EEPD1: variants seen among roughly 807,000 people sequenced by gnomAD.
EEPD1 encodes endonuclease/exonuclease/phosphatase family domain containing 1, also known as endonuclease/exonuclease/phosphatase family domain-containing protein 1.
In EEPD1, 17 loss-of-function variants were observed where a neutral mutation model predicts 46.3. The observed-to-expected ratio is 0.37, with a 90% CI of 0.25 to 0.55. The LOEUF (loss-of-function observed/expected upper bound fraction) is 0.55. EEPD1 is among the 20% of genes least tolerant of loss of function. The pLI is 0.83. For synonymous variants in EEPD1, 313 were observed against 315.6 expected (o/e 0.99, Z 0.09); for missense variants, 673 against 745.6 (o/e 0.90, Z 1.13).
chr7:36,170,896 C>T (rs1196795108), intron 2 of EEPD1, among the ~76,000 whole-genome samples: 1 of 152,002 alleles, frequency 6.6e-6, no homozygotes, highest in East Asian at 1.9e-4. Context: ...AGTTTTAGTT[C>T]ATTTTACTTT....
At position 36,301,506 on chromosome 7, in the gene EEPD1, G is replaced by A. The variant is rs1230980346; in HGVS notation, c.*2300G>A. The A allele has an allele frequency of 1.3e-5, 2 of 152,196 alleles. No individual in the cohort carries two copies. The highest frequency in any genetic ancestry group is 4.8e-5 in the African/African-American group (2 of 41,432). The allele number at this position is 152,196 out of a possible 1,614,324, so 9.4% of individuals were successfully genotyped here. ...TTCATTATTAGCTACAGTGTTCATA[G>A]TTTATATTAAAGTTCACTCTTTGTG... On this transcript the variant is annotated 3_prime_UTR_variant, in exon 8 of 8. Coordinates refer to ENST00000242108, the MANE Select transcript of EEPD1 (RefSeq NM_030636.3).
chr7:36,204,217 G>A (rs923701868), intron 2 of EEPD1, among the ~76,000 whole-genome samples: 1 of 151,450 alleles, frequency 6.6e-6, no homozygotes, highest in Non-Finnish European at 1.5e-5. Flanking sequence ...AAAAAATTTT[G>A]TGGAGAGAGG....
At position 36,154,403 on chromosome 7, in the gene EEPD1, G is replaced by T. The variant is rs1784779687; in HGVS notation, c.79G>T (p.Ala27Ser). Reference sequence around the variant, plus strand: ...GTCCCATAGCCGCAAGTTCAGCGCAGCCTGTAACTTCAGCAACATTCTAGT... The same window carrying T: ...GTCCCATAGCCGCAAGTTCAGCGCATCCTGTAACTTCAGCAACATTCTAGT... ...DLSHSRKFSA[A>S]CNFSNILVNQ... is the part of the protein sequence containing the mutation. Residue 27 changes from alanine (A) to serine (S), a missense_variant, in exon 2 of 8, where the codon GCC (alanine) becomes TCC (serine). Ala to Ser is a moderately conservative substitution (Grantham distance 99). Transcript: ENST00000242108. This position sits in a 1 kb window ranked among gnomAD's most constrained non-coding sequence, Gnocchi z 4.2. The T allele has an allele frequency of 6.2e-7, 1 of 1,614,124 alleles. No homozygotes were observed. Among genetic ancestry groups the T allele is most frequent in the Non-Finnish European group, 8.5e-7 (1 of 1,180,046 alleles).
intron 2 of EEPD1, among the ~76,000 whole-genome samples, chr7:36,219,775 AAGAG>A (rs752270283): frequency 0.011 from 1,312 of 118,898 alleles, 6 homozygotes; most frequent in African/African-American, 0.022. Flanking sequence ...GAGAGAGAGA[AAGAG>A]AGAGAGAGAG....
intron 2 of EEPD1, among the ~76,000 whole-genome samples, chr7:36,232,495 C>T (rs1786351661): frequency 6.6e-6 from 1 of 151,830 alleles, no homozygotes; most frequent in Non-Finnish European, 1.5e-5. Flanking sequence ...TGATACTGCA[C>T]CAGCCCTTGC....
At chr7:36,263,190 G>A (rs538585888) in intron 3 of EEPD1, among the ~76,000 whole-genome samples, 5 of 152,032 alleles carry the variant, frequency 3.3e-5, no homozygotes, top group Admixed American at 2.6e-4. Context: ...AAATTGGCCG[G>A]GTGTGGCGAT....
chr7:36,225,105 T>C lies in EEPD1; in HGVS notation c.879-13880T>C, dbSNP rs1562693124. ...TCCAGAGGGAGTGCGGCCATTCCGA[T>C]AGCTTGATTTCAGCCCAGTGAGCCT... On this transcript the variant is annotated intron_variant, in intron 2 of 7. Transcript: ENST00000242108. The surrounding 1 kb of genome is among the most constrained non-coding windows in gnomAD (Gnocchi z 4.2). Among the ~76,000 whole-genome samples the C allele has an allele frequency of 1.3e-5, 2 of 152,160 alleles. No homozygotes were observed. The highest frequency in any genetic ancestry group is 1.9e-4 in the East Asian group (1 of 5,158).
In EEPD1 at chr7:36,188,211, CTT is replaced by C. The variant is rs773170235; in HGVS notation, c.878+33011_878+33012del. Among the ~76,000 whole-genome samples the C allele has an allele frequency of 7.3e-4, 103 of 141,400 alleles. 1 individual carries two copies. The South Asian group carries it at 0.023, about 31-fold the overall frequency. 92.8% of individuals were successfully genotyped at this position (141,400 alleles called of 152,430 possible). On this transcript the variant is annotated intron_variant, in intron 2 of 7. Coordinates refer to ENST00000242108, the MANE Select transcript of EEPD1 (RefSeq NM_030636.3). ...AGTCTCTTTCTCTATCTTACTCTCT[CTT>C]TCTCTCTCTCTCTTTCCATAAGCCT...
intron 2 of EEPD1, among the ~76,000 whole-genome samples, chr7:36,180,458 C>T (rs1181638284): frequency 2.6e-5 from 4 of 152,194 alleles, no homozygotes; most frequent in Admixed American, 2.0e-4. Flanking sequence ...CCAGGGCCAT[C>T]GTGCCCCTCC....
At chr7:36,176,514 A>G (rs1345208908) in intron 2 of EEPD1, among the ~76,000 whole-genome samples, 2 of 152,238 alleles carry the variant, frequency 1.3e-5, no homozygotes, top group South Asian at 2.1e-4. Flanking sequence ...TCGTAGCGCT[A>G]TGATAGCTGT....
chr7:36,293,705 C>G (rs1164499656), intron 6 of EEPD1, among the ~76,000 whole-genome samples: 1 of 152,096 alleles, frequency 6.6e-6, no homozygotes, highest in Non-Finnish European at 1.5e-5. Flanking sequence ...GGCTCATGCC[C>G]GTAACCCCAG....
At chr7:36,224,907 A>G (rs1298620838) in intron 2 of EEPD1, among the ~76,000 whole-genome samples, 1 of 152,068 alleles carries the variant, frequency 6.6e-6, no homozygotes, top group Admixed American at 6.6e-5. Flanking sequence ...TGGGTCATCT[A>G]TGTGGGCCCT....
At chr7:36,211,597 GA>G (rs1422197949) in intron 2 of EEPD1, among the ~76,000 whole-genome samples, 2 of 152,174 alleles carry the variant, frequency 1.3e-5, no homozygotes, top group African/African-American at 2.4e-5. Flanking sequence ...AAATCAGAAA[GA>G]AGAAAGAGCA....
rs1784786861 is a variant in EEPD1 at position 36,154,666 on chromosome 7, G to A, written c.342G>A (p.Leu114=). ...GSSAQHSPSS[L]RRDLLAEQQP... ...CAGCGCAGCACTCTCCCAGTTCCCT[G>A]CGGCGGGACCTGCTAGCGGAGCAGC... is the stretch of plus-strand genomic sequence containing the variant. Residue 114 remains leucine, a synonymous_variant, in exon 2 of 8, where the codon CTG becomes CTA. Coordinates refer to ENST00000242108, the MANE Select transcript of EEPD1 (RefSeq NM_030636.3). This position sits in a 1 kb window ranked among gnomAD's most constrained non-coding sequence, Gnocchi z 4.2. The A allele has an allele frequency of 6.2e-6, 10 of 1,613,836 alleles. No individual in the cohort carries two copies. Among genetic ancestry groups the A allele is most frequent in the Non-Finnish European group, 8.5e-6 (10 of 1,180,006 alleles).
Position 36,298,640 on chromosome 7 carries a change from C to T in EEPD1, c.1511-367C>T, listed in dbSNP as rs535669321. On this transcript the variant is annotated intron_variant, in intron 7 of 7. Transcript: ENST00000242108. ...GTGTCTTTTGCTTTGCAAAACTGGACCTTTGCTTTGGACTTGGGATGTCTT... is the reference window on the plus strand; with the variant it reads ...GTGTCTTTTGCTTTGCAAAACTGGATCTTTGCTTTGGACTTGGGATGTCTT... Among the ~76,000 whole-genome samples, 7 of 152,194 alleles carry T rather than the reference C, an allele frequency of 4.6e-5. No homozygotes were observed. The South Asian group carries it at 1.5e-3, about 32-fold the overall frequency.
chr7:36,281,246 T>A, intron 4 of EEPD1, 21 bp downstream of exon 4: 1 of 1,604,492 alleles, frequency 6.2e-7, no homozygotes, highest in Non-Finnish European at 8.5e-7. Flanking sequence ...CTGCAAAGCC[T>A]GGCCTTTCCC....
chr7:36,206,603 T>C (rs2726095), intron 2 of EEPD1, among the ~76,000 whole-genome samples: 26,261 of 152,162 alleles, frequency 0.17, 2,795 homozygotes, highest in Non-Finnish European at 0.25. Flanking sequence ...CATGAAATCC[T>C]TGCATCTCAT....
intron 6 of EEPD1, among the ~76,000 whole-genome samples, chr7:36,296,694 C>CCT (rs1305519794): frequency 4.8e-5 from 4 of 83,154 alleles, no homozygotes; most frequent in African/African-American, 1.9e-4. Context: ...ACCCTTAGGT[C>CCT]TTTTTTTTTT....
intron 2 of EEPD1, among the ~76,000 whole-genome samples, chr7:36,189,010 G>A (rs763976826): frequency 1.4e-4 from 22 of 152,194 alleles, no homozygotes; most frequent in African/African-American, 2.2e-4. Flanking sequence ...TGAGTCATTC[G>A]TGGGTTCAAT....
Sources: allele counts gnomAD v4.1 joint callset (sites outside exome capture counted in the v4.1 genomes callset), GRCh38; gene constraint gnomAD v4.1.1; non-coding constraint Gnocchi (gnomAD v3.1); transcripts MANE v1.5; gene names NCBI Gene and HGNC (gene_info 2026-07-23, HGNC 2026-07-21).